The following PDPR variants were observed in gnomAD, a reference collection of about 807,000 sequenced individuals.
PDPR encodes the protein pyruvate dehydrogenase phosphatase regulatory subunit, also known as pyruvate dehydrogenase phosphatase regulatory subunit, mitochondrial.
In PDPR, 50 loss-of-function variants were observed where a neutral mutation model predicts 102.2. The observed-to-expected ratio is 0.49, with a 90% CI of 0.39 to 0.62. PDPR has a LOEUF of 0.62. PDPR is among the 20% of genes least tolerant of loss of function. The pLI is 0.00. For synonymous variants in PDPR, 259 were observed against 406.0 expected (o/e 0.64, Z 4.35); for missense variants, 625 against 1,098.2 (o/e 0.57, Z 6.09).
At chr16:70,152,701 G>A (rs943654343) in intron 17 of PDPR, among the ~76,000 whole-genome samples, 1 of 152,284 alleles carries the variant, frequency 6.6e-6, no homozygotes, top group African/African-American at 2.4e-5. Context: ...AAAGCAAACA[G>A]TGTAGTCTCA....
chr16:70,155,083 T>G (rs1462149513), intron 18 of PDPR, among the ~76,000 whole-genome samples: 1 of 152,110 alleles, frequency 6.6e-6, no homozygotes, highest in East Asian at 2.0e-4. Flanking sequence ...TCCCAGCTAC[T>G]CGGTAGGCTG....
intron 10 of PDPR, among the ~76,000 whole-genome samples, chr16:70,138,196 C>A (rs1328738897): frequency 6.9e-6 from 1 of 144,018 alleles, no homozygotes; most frequent in Non-Finnish European, 1.5e-5. Context: ...CATGTGCCAC[C>A]ACGCCGGCTA....
chr16:70,114,136 G>GCC (rs1390294475), upstream of PDPR: 31 of 152,290 alleles, frequency 2.0e-4, no homozygotes, highest in African/African-American at 6.5e-4. Context: ...TGGCAAAGAG[G>GCC]CCGCGGGGGC....
intron 17 of PDPR, among the ~76,000 whole-genome samples, chr16:70,149,490 T>G (rs1298193678): frequency 6.6e-6 from 1 of 152,236 alleles, no homozygotes; most frequent in East Asian, 1.9e-4. Flanking sequence ...TGTTTCCAAC[T>G]CCTGACCTCA....
At chr16:70,126,083 A>T (rs1273934980) in intron 3 of PDPR, among the ~76,000 whole-genome samples, 2 of 152,272 alleles carry the variant, frequency 1.3e-5, no homozygotes, top group Non-Finnish European at 2.9e-5. Context: ...TTTTTTATAT[A>T]AGTGGGAGCA....
At chr16:70,140,548 G>C (rs566710473) in intron 11 of PDPR, among the ~76,000 whole-genome samples, 9 of 152,324 alleles carry the variant, frequency 5.9e-5, no homozygotes, top group African/African-American at 2.2e-4. Context: ...GCCAGGCGCA[G>C]TGGCTCAAGC....
intron 9 of PDPR, among the ~76,000 whole-genome samples, chr16:70,134,798 A>G (rs1249014445): frequency 1.5e-5 from 1 of 64,808 alleles, no homozygotes; most frequent in Middle Eastern, 7.0e-3. Context: ...AAAAAAAAAA[A>G]ATAATAATAA....
Position 70,157,456 on chromosome 16 carries a change from G to A in PDPR, c.*577G>A, listed in dbSNP as rs117588171. ...ATCTACCTCACTGATAAGAGGCATC[G>A]CATGGACGTTCTCTGGTCTGTAGTG... On this transcript the variant is annotated 3_prime_UTR_variant, in exon 19 of 19. Coordinates refer to ENST00000288050, the MANE Select transcript of PDPR (RefSeq NM_017990.5). The A allele has an allele frequency of 1.7e-5, 6 of 345,520 alleles. No homozygotes were observed. The highest frequency in any genetic ancestry group is 7.6e-5 in the East Asian group (1 of 13,228). The allele number at this position is 345,520 out of a possible 1,614,324, so 21.4% of individuals were successfully genotyped here.
rs1967367211 is a variant in PDPR, at chr16:70,157,634, A to G, written c.*755A>G. On this transcript the variant is annotated 3_prime_UTR_variant, in exon 19 of 19. Transcript: ENST00000288050. ...TCTTTCTTAGTTGAGTAAACAAGTA[A>G]GCCACAGTGTTTGAAAGGGAAAAAC... 5.8e-6 allele frequency: 1 copy of G among 173,106 alleles called. No individual in the cohort carries two copies. Among genetic ancestry groups the G allele is most frequent in the African/African-American group, 2.4e-5 (1 of 41,654 alleles). 10.7% of individuals were successfully genotyped at this position (173,106 alleles called of 1,614,324 possible).
chr16:70,152,090 G>A (rs941397739), intron 17 of PDPR, among the ~76,000 whole-genome samples: 28 of 152,268 alleles, frequency 1.8e-4, no homozygotes, highest in East Asian at 7.7e-4. Flanking sequence ...CCCTGGAGAT[G>A]CCAGCTGTGT....
chr16:70,124,814 T>A (rs1277812853), intron 3 of PDPR, among the ~76,000 whole-genome samples: 1 of 152,222 alleles, frequency 6.6e-6, no homozygotes. Flanking sequence ...AATATAATTA[T>A]TAGAGTAAAT....
rs1286896177 is a variant in PDPR at position 70,144,027 on chromosome 16, G to T, written c.1754+369G>T. ...CCACCTCAGCTTTCCAGGTAGCTGGGACCACAGGTACACGCCACCACACCC... is the reference window on the plus strand; with the variant it reads ...CCACCTCAGCTTTCCAGGTAGCTGGTACCACAGGTACACGCCACCACACCC... On this transcript the variant is annotated intron_variant, in intron 14 of 18. Coordinates refer to ENST00000288050, the MANE Select transcript of PDPR (RefSeq NM_017990.5). Among the ~76,000 whole-genome samples, 3 of 152,206 alleles carry T rather than the reference G, an allele frequency of 2.0e-5. No individual in the cohort carries two copies. In the East Asian group the frequency reaches 5.8e-4, roughly 29 times the overall value.
Position 70,162,258 on chromosome 16 carries a change from T to G in PDPR, c.*5379T>G, listed in dbSNP as rs1967861057. 6.5e-6 allele frequency: 1 copy of G among 152,694 alleles called. No homozygotes were observed. Among genetic ancestry groups the G allele is most frequent in the Non-Finnish European group, 1.5e-5 (1 of 68,318 alleles). The allele number at this position is 152,694 out of a possible 1,614,324, so 9.5% of individuals were successfully genotyped here. A position where few individuals can be genotyped will look rare whatever the true frequency, so the allele number is the denominator to read the frequency against. On this transcript the variant is annotated 3_prime_UTR_variant, in exon 19 of 19. Coordinates refer to ENST00000288050, the MANE Select transcript of PDPR (RefSeq NM_017990.5). ...CCATTGTAACTACTGTAGAGTCCTG[T>G]GACTCATCGTTTGTGTTTGTCAATT...
chr16:70,156,541 A>G lies in PDPR; in HGVS notation c.2302A>G (p.Thr768Ala), dbSNP rs1967224197. The part of the protein sequence containing the change: ...QKQNGVYKRL[T>A]MFILDDHDSD... The stretch of plus-strand genomic sequence containing the variant: ...GCAGAATGGAGTGTATAAACGCCTC[A>G]CCATGTTCATCCTGGACGACCATGA... The change falls in exon 19 of 19, where the codon ACC becomes GCC. Residue 768 changes from threonine (T) to alanine (A), a missense_variant. By Grantham distance (58) the Thr-to-Ala change is moderately conservative. Around this residue, in one of 11 missense-constraint regions of PDPR, gnomAD observed 303 missense variants for 258.9 expected, o/e 1.17. Coordinates refer to ENST00000288050, the MANE Select transcript of PDPR (RefSeq NM_017990.5). The G allele has an allele frequency of 6.2e-7, 1 of 1,614,094 alleles. No homozygotes were observed. The highest frequency in any genetic ancestry group is 1.3e-5 in the African/African-American group (1 of 75,076).
intron 7 of PDPR, 42 bp downstream of exon 7, chr16:70,130,586 C>T (rs1434776549): frequency 6.2e-7 from 1 of 1,611,418 alleles, no homozygotes; most frequent in Non-Finnish European, 8.5e-7. Flanking sequence ...TAACGTTTGT[C>T]TCCAAGATTT....
intron 9 of PDPR, among the ~76,000 whole-genome samples, 181 bp downstream of exon 9, chr16:70,132,481 G>C (rs1358247687): frequency 6.6e-6 from 1 of 152,186 alleles, no homozygotes; most frequent in Non-Finnish European, 1.5e-5. Flanking sequence ...CAGATTCAGG[G>C]GACTAAAATC....
chr16:70,126,014 T>C (rs1306209031), intron 3 of PDPR, among the ~76,000 whole-genome samples: 1 of 152,276 alleles, frequency 6.6e-6, no homozygotes, highest in Non-Finnish European at 1.5e-5. Context: ...CTATAAGCAA[T>C]TATGTGTTGG....
intron 17 of PDPR, among the ~76,000 whole-genome samples, chr16:70,152,062 G>A (rs1055160305): frequency 6.6e-6 from 1 of 152,280 alleles, no homozygotes; most frequent in Non-Finnish European, 1.5e-5. Context: ...TGAGCTTGAG[G>A]TGGGAGAGTA....
At chr16:70,156,254 C>T (rs1006518835) in intron 18 of PDPR, 43 of 583,514 alleles carry the variant, frequency 7.4e-5, no homozygotes, top group Non-Finnish European at 5.3e-5. Flanking sequence ...AAACAAAATG[C>T]GTACCTCTGT....
Sources: gnomAD v4.1 joint callset for allele counts (sites outside exome capture counted in the v4.1 genomes callset) on GRCh38, gnomAD v4.1.1 for gene constraint, gnomAD v4.1.1 regional missense constraint, MANE v1.5 for transcripts, NCBI Gene and HGNC (gene_info 2026-07-23, HGNC 2026-07-21) for gene names.